Variants in DAB1 observed in about 807,000 individuals in gnomAD.
The protein encoded by DAB1 is DAB adaptor protein 1, also known as disabled homolog 1.
A neutral mutation model predicts 64.6 loss-of-function variants in DAB1; 15 were observed. The observed-to-expected ratio is 0.23, with a 90% CI of 0.16 to 0.36. The LOEUF (loss-of-function observed/expected upper bound fraction) is 0.36, where lower values mean the gene tolerates loss of function less well. Ranked by LOEUF, DAB1 falls within the 10% of genes least tolerant of loss-of-function variation. DAB1 has a pLI of 1.00. For missense variants in DAB1, 596 were observed against 706.7 expected (o/e 0.84, Z 1.78); for synonymous variants, 235 against 251.9 (o/e 0.93, Z 0.64).
intron 5 of DAB1, among the ~76,000 whole-genome samples, chr1:58,137,406 T>C (rs1654006705): frequency 1.3e-5 from 2 of 152,176 alleles, no homozygotes; most frequent in East Asian, 3.9e-4. Context: ...TCAAAGAGAA[T>C]GAGTATCCCA....
At chr1:57,929,053 A>C (rs1233625901) in intron 5 of DAB1, among the ~76,000 whole-genome samples, 4 of 152,212 alleles carry the variant, frequency 2.6e-5, no homozygotes, top group African/African-American at 9.6e-5. Flanking sequence ...TTGCATTCCC[A>C]CCAGGAATAA....
intron 4 of DAB1, among the ~76,000 whole-genome samples, chr1:58,200,174 G>T (rs1004178308): frequency 1.3e-5 from 2 of 152,130 alleles, no homozygotes; most frequent in African/African-American, 2.4e-5. Context: ...GTGACAAAAT[G>T]ACCATCTCTC....
At chr1:58,070,993 G>A (rs1189010008) in intron 5 of DAB1, among the ~76,000 whole-genome samples, 1 of 152,216 alleles carries the variant, frequency 6.6e-6, no homozygotes, top group African/African-American at 2.4e-5. Context: ...GGACCATAGA[G>A]AAGCTGCCAG....
At chr1:57,174,607 A>G (rs1246563750) in intron 2 of DAB1, among the ~76,000 whole-genome samples, 2 of 152,138 alleles carry the variant, frequency 1.3e-5, no homozygotes, top group South Asian at 2.1e-4. Flanking sequence ...CTTTATTTAT[A>G]TGCTTTACTT....
upstream of DAB1, among the ~76,000 whole-genome samples, chr1:57,428,418 C>A (rs1381781085): frequency 6.6e-6 from 1 of 152,118 alleles, no homozygotes; most frequent in Non-Finnish European, 1.5e-5. Context: ...CAGTATTTGT[C>A]TTTTTATGTC....
intron 7 of DAB1, among the ~76,000 whole-genome samples, chr1:57,579,256 C>T (rs1279152282): frequency 6.6e-6 from 1 of 152,154 alleles, no homozygotes; most frequent in Non-Finnish European, 1.5e-5. Context: ...TTTTCCCTAT[C>T]CATCATAATG....
At chr1:57,163,521 A>G (rs1660953823) in intron 2 of DAB1, among the ~76,000 whole-genome samples, 1 of 151,902 alleles carries the variant, frequency 6.6e-6, no homozygotes, top group African/African-American at 2.4e-5. Flanking sequence ...GAGGCAAGGT[A>G]AGGAGGGCAG....
chr1:57,496,349 G>A (rs1033834049), intron 7 of DAB1, among the ~76,000 whole-genome samples: 4 of 152,040 alleles, frequency 2.6e-5, no homozygotes, highest in African/African-American at 9.7e-5. Context: ...GAGAGAACTT[G>A]CAATAAAAAA....
rs4912281 is a variant in DAB1, at chr1:57,781,126, C to A, written n.551+102873G>T. Among the ~76,000 whole-genome samples the A allele has an allele frequency of 3.7e-3, 103 of 27,674 alleles. 1 individual carries two copies. The highest frequency in any genetic ancestry group is 4.8e-3 in the Non-Finnish European group (74 of 15,498). 18.2% of individuals were successfully genotyped at this position (27,674 alleles called of 152,430 possible). A position where few individuals can be genotyped will look rare whatever the true frequency, so the allele number is the denominator to read the frequency against. On this transcript the variant is annotated intron_variant and non_coding_transcript_variant, in intron 6 of 20. Transcript: ENST00000485760. The stretch of plus-strand genomic sequence containing the variant: ...TCTCTCTCTCTCTCTCTCTCTCTCT[C>A]TATATATATATATATATATATATAT...
At chr1:58,536,408 T>A in intron 1 of DAB1, 1 of 646,000 alleles carries the variant, frequency 1.5e-6, no homozygotes, top group Non-Finnish European at 2.8e-6. Context: ...TAATTTCATA[T>A]CAAAGACTAA....
At chr1:58,350,141 A>T (rs938642708) in intron 3 of DAB1, among the ~76,000 whole-genome samples, 1 of 152,094 alleles carries the variant, frequency 6.6e-6, no homozygotes, top group African/African-American at 2.4e-5. Context: ...CTTTTTAATG[A>T]CTGCCATTCT....
At chr1:58,147,848 G>A (rs1192168262) in intron 5 of DAB1, among the ~76,000 whole-genome samples, 1 of 151,990 alleles carries the variant, frequency 6.6e-6, no homozygotes, top group Non-Finnish European at 1.5e-5. Context: ...TGCAGTAGAG[G>A]AAACTGAAGA....
downstream of DAB1, among the ~76,000 whole-genome samples, chr1:57,823,499 A>G (rs1652214508): frequency 6.6e-6 from 1 of 152,120 alleles, no homozygotes; most frequent in Non-Finnish European, 1.5e-5. Context: ...CAGGTTATGC[A>G]TCTGTGGAGT....
chr1:57,936,527 G>A (rs956011523), intron 5 of DAB1, among the ~76,000 whole-genome samples: 1 of 152,110 alleles, frequency 6.6e-6, no homozygotes, highest in Admixed American at 6.5e-5. Context: ...ATGTAGCTGG[G>A]ATTACAGGCA....
intron 7 of DAB1, among the ~76,000 whole-genome samples, chr1:57,498,568 C>T (rs1644255491): frequency 6.6e-6 from 1 of 151,958 alleles, no homozygotes; most frequent in African/African-American, 2.4e-5. Context: ...TGAGATGGGC[C>T]CTTGAGTTAA....
At chr1:58,035,370 T>C (rs1647029564) in intron 5 of DAB1, among the ~76,000 whole-genome samples, 1 of 152,206 alleles carries the variant, frequency 6.6e-6, no homozygotes, top group Non-Finnish European at 1.5e-5. Context: ...AGCCACTAAC[T>C]GTTAGGGCAA....
intron 1 of DAB1, among the ~76,000 whole-genome samples, chr1:57,860,189 A>C (rs183235328): frequency 1.3e-5 from 2 of 152,194 alleles, no homozygotes; most frequent in African/African-American, 4.8e-5. Context: ...TAGAAAAAAA[A>C]TTGTATTTTC....
chr1:58,484,716 G>T (rs949221211), intron 3 of DAB1, among the ~76,000 whole-genome samples: 4 of 152,042 alleles, frequency 2.6e-5, no homozygotes, highest in African/African-American at 9.7e-5. Context: ...CCAGACAAAA[G>T]AATATTATTC....
At chr1:57,328,889 A>G (rs944258247) in intron 1 of DAB1, among the ~76,000 whole-genome samples, 3 of 152,218 alleles carry the variant, frequency 2.0e-5, no homozygotes, top group Admixed American at 6.5e-5. Flanking sequence ...ATTACCAGTC[A>G]TTAGATAAAT....
Sources: gnomAD v4.1 joint callset for allele counts (sites outside exome capture counted in the v4.1 genomes callset) on GRCh38, gnomAD v4.1.1 for gene constraint, MANE v1.5 for transcripts, NCBI Gene and HGNC (gene_info 2026-07-23, HGNC 2026-07-21) for gene names.